USP26: variants seen among roughly 807,000 people sequenced by gnomAD.
The protein encoded by USP26 is ubiquitin specific peptidase 26.
For missense variants in USP26, 649 were observed against 642.3 expected (o/e 1.01, Z -0.11); for synonymous variants, 236 against 240.6 (o/e 0.98, Z 0.18).
At chrX:133,070,315 T>A (rs1453439629) in intron 5 of USP26, among the ~76,000 whole-genome samples, 1 of 111,677 alleles carries the variant, frequency 9.0e-6, no homozygotes, top group Non-Finnish European at 1.9e-5. Context: ...TGGAGTAAAG[T>A]CAACCTTTAT....
At chrX:133,040,631 CT>C (rs1212496081) in intron 5 of USP26, among the ~76,000 whole-genome samples, 1 of 111,278 alleles carries the variant, frequency 9.0e-6, no homozygotes, top group African/African-American at 3.3e-5. Context: ...ACACTTTTTC[CT>C]TCATTTCAAC....
At chrX:133,045,750 A>G (rs2148529325) in intron 5 of USP26, 1 of 112,377 alleles carries the variant, frequency 8.9e-6, no homozygotes, top group African/African-American at 3.2e-5. Flanking sequence ...CAGGAACAAA[A>G]TCCAGACACG....
At chrX:133,028,611 A>G (rs2067365001) in intron 5 of USP26, among the ~76,000 whole-genome samples, 1 of 112,389 alleles carries the variant, frequency 8.9e-6, no homozygotes, top group Non-Finnish European at 1.9e-5. Flanking sequence ...ATTCTGATTA[A>G]TTTCCCAACT....
At chrX:133,084,512 CTT>C (rs34922544) in intron 4 of USP26, among the ~76,000 whole-genome samples, 184 of 71,117 alleles carry the variant, frequency 2.6e-3, no homozygotes, top group South Asian at 8.6e-3. Context: ...GGCAGAACTT[CTT>C]TTTTTTTTTT....
chrX:133,048,559 T>TTG (rs2067447975), intron 5 of USP26, among the ~76,000 whole-genome samples: 1 of 102,146 alleles, frequency 9.8e-6, no homozygotes, highest in African/African-American at 3.6e-5. Flanking sequence ...TTTTTTTTTT[T>TTG]TTTTTGAGAC....
intron 5 of USP26, among the ~76,000 whole-genome samples, chrX:133,063,906 A>T (rs2067502798): frequency 2.7e-5 from 3 of 112,292 alleles, no homozygotes; most frequent in Non-Finnish European, 5.6e-5. Flanking sequence ...AAATGGACAA[A>T]ATGCCCCAAT....
intron 4 of USP26, among the ~76,000 whole-genome samples, chrX:133,089,257 A>G (rs965396061): frequency 8.9e-6 from 1 of 111,958 alleles, no homozygotes; most frequent in Non-Finnish European, 1.9e-5. Context: ...CTCTTAGGAT[A>G]GTGCATATTT....
At chrX:133,075,579 C>T (rs2148535355) in intron 5 of USP26, among the ~76,000 whole-genome samples, 1 of 111,654 alleles carries the variant, frequency 9.0e-6, no homozygotes, top group South Asian at 3.8e-4. Flanking sequence ...TCGCTAAGAG[C>T]AGCATTCCAG....
intron 5 of USP26, among the ~76,000 whole-genome samples, chrX:133,063,853 TGAC>T (rs1012343198): frequency 4.5e-5 from 5 of 112,070 alleles, no homozygotes; most frequent in African/African-American, 6.5e-5. Context: ...AGCAGCATGA[TGAC>T]AAGATCAAAT....
At chrX:133,048,613 C>T (rs2067448230) in intron 5 of USP26, among the ~76,000 whole-genome samples, 1 of 107,993 alleles carries the variant, frequency 9.3e-6, no homozygotes, top group African/African-American at 3.4e-5. Context: ...GTGGCACAAT[C>T]TCGGCTCACT....
chrX:133,039,412 G>A (rs1044766695), intron 5 of USP26, among the ~76,000 whole-genome samples: 1 of 111,771 alleles, frequency 8.9e-6, no homozygotes, highest in African/African-American at 3.2e-5. Context: ...TGTCTTAAAT[G>A]TGTTATTTAC....
intron 5 of USP26, among the ~76,000 whole-genome samples, chrX:133,040,019 CT>C (rs777622713): frequency 9.0e-6 from 1 of 110,615 alleles, no homozygotes; most frequent in Admixed American, 9.7e-5. Context: ...GCAACTCCTG[CT>C]TTTTTTTGCT....
intron 5 of USP26, among the ~76,000 whole-genome samples, chrX:133,062,376 G>A (rs1473319873): frequency 1.8e-5 from 2 of 112,199 alleles, no homozygotes; most frequent in Non-Finnish European, 3.8e-5. Context: ...ATCCTGACAA[G>A]GAGGGTTCTC....
Position 133,027,840 on chromosome X carries a change from G to A in USP26, c.381C>T (p.Ile127=), listed in dbSNP as rs769490646. Residue 127 remains isoleucine, a synonymous_variant, in exon 6 of 6, where the codon ATC becomes ATT. Coordinates refer to ENST00000511190, the MANE Select transcript of USP26 (RefSeq NM_031907.3). ...SVFSSTTQKE[I]NKTSFHKVDE... ...CAACTTTGTGGAATGAAGTTTTGTT[G>A]ATTTCCTTCTGTGTTGTGCTAGAAA... 4.1e-6 allele frequency: 5 copies of A among 1,206,395 alleles called. No individual in the cohort carries two copies. The Admixed American group carries it at 1.1e-4, about 26-fold the overall frequency.
chrX:133,027,963 T>C lies in USP26; in HGVS notation c.258A>G (p.Leu86=), dbSNP rs367785700. ...QNNNGLFIEG[L]SSTDAEQLKI... ...TCAATTGTTCAGCATCTGTGGAGGA[T>C]AATCCTTCAATAAACAAGCCATTAT... is the stretch of plus-strand genomic sequence containing the variant. The change falls in exon 6 of 6, where the codon TTA becomes TTG. Residue 86 remains leucine, a synonymous_variant. Transcript: ENST00000511190. 258 of 1,210,049 alleles carry C rather than the reference T, an allele frequency of 2.1e-4. No individual in the cohort carries two copies. The highest frequency in any genetic ancestry group is 2.7e-4 in the Non-Finnish European group (246 of 895,119).
chrX:133,070,733 T>C (rs1335288611), intron 5 of USP26, among the ~76,000 whole-genome samples: 1 of 111,981 alleles, frequency 8.9e-6, no homozygotes, highest in Non-Finnish European at 1.9e-5. Context: ...GGGTGGTATT[T>C]AATTATTATT....
intron 5 of USP26, among the ~76,000 whole-genome samples, chrX:133,062,628 GT>G (rs1312626530): frequency 9.0e-6 from 1 of 111,620 alleles, no homozygotes; most frequent in Non-Finnish European, 1.9e-5. Context: ...AGGGTCTGGA[GT>G]GGACCTCCAA....
intron 5 of USP26, among the ~76,000 whole-genome samples, chrX:133,067,269 T>G (rs2067515028): frequency 8.9e-6 from 1 of 112,674 alleles, no homozygotes; most frequent in Admixed American, 9.3e-5. Flanking sequence ...TCTTTTACAC[T>G]GTAGGTGGGA....
chrX:133,025,562 C>G lies in USP26; in HGVS notation c.2659G>C (p.Glu887Gln). The G allele has an allele frequency of 8.3e-7, 1 of 1,211,266 alleles. No individual in the cohort carries two copies. The highest frequency in any genetic ancestry group is 1.1e-6 in the Non-Finnish European group (1 of 895,415). The change falls in exon 6 of 6, where the codon GAG (glutamate) becomes CAG (glutamine). Residue 887 changes from glutamate (E) to glutamine (Q), a missense_variant. Coordinates refer to ENST00000511190, the MANE Select transcript of USP26 (RefSeq NM_031907.3). ...TGYIFFYMHN[E>Q]IFEEMLKREE... ...CTTTTCAACATCTCTTCAAAGATCT[C>G]ATTATGCATGTAAAAGAAGATGTAC...
Sources: allele counts gnomAD v4.1 joint callset (sites outside exome capture counted in the v4.1 genomes callset), GRCh38; gene constraint gnomAD v4.1.1; transcripts MANE v1.5; gene names NCBI Gene and HGNC (gene_info 2026-07-23, HGNC 2026-07-21).